Variants in SV2B observed in about 807,000 individuals in gnomAD.
SV2B encodes the protein synaptic vesicle glycoprotein 2B, also known as solute carrier family 22 member B2.
SV2B carries 41 observed loss-of-function variants against 73.9 expected under a neutral mutation model. The observed-to-expected ratio is 0.56, with a 90% CI of 0.43 to 0.72. SV2B has a LOEUF of 0.72. SV2B is among the 30% of genes least tolerant of loss of function. The pLI is 0.00. For synonymous variants in SV2B, 314 were observed against 314.2 expected (o/e 1.00, Z 0.01); for missense variants, 764 against 857.8 (o/e 0.89, Z 1.37).
chr15:91,230,642 C>G (rs2046540695), intron 2 of SV2B, among the ~76,000 whole-genome samples: 1 of 152,180 alleles, frequency 6.6e-6, no homozygotes, highest in African/African-American at 2.4e-5. Context: ...AGGAGTTGGT[C>G]TCCTTCAACT....
rs548615009 is a variant in SV2B, at chr15:91,253,166, G to A, written c.784+646G>A. ...AACATCAACTTTTACTACTGGTTTC[G>A]TCAAGAGCAAAGTAGGGAGAAGGCA... On this transcript the variant is annotated intron_variant, in intron 4 of 12. Transcript: ENST00000394232. The surrounding 1 kb of genome is among the most constrained non-coding windows in gnomAD (Gnocchi z 5.0). Among the ~76,000 whole-genome samples the A allele has an allele frequency of 6.6e-5, 10 of 152,210 alleles. No individual in the cohort carries two copies. The highest frequency in any genetic ancestry group is 1.2e-4 in the Non-Finnish European group (8 of 68,038).
intron 1 of SV2B, among the ~76,000 whole-genome samples, chr15:91,186,637 C>G (rs2044781867): frequency 6.6e-6 from 1 of 152,118 alleles, no homozygotes; most frequent in African/African-American, 2.4e-5. Flanking sequence ...TTAAAAAATA[C>G]ACTTATAAAT....
chr15:91,264,816 A>T (rs182595099), intron 6 of SV2B, among the ~76,000 whole-genome samples: 1 of 152,130 alleles, frequency 6.6e-6, no homozygotes, highest in African/African-American at 2.4e-5. Flanking sequence ...GCAGAAATCA[A>T]TGTGCGGAGA....
At chr15:91,134,011 T>TTTTTTTTTA (rs1256153009) in intron 1 of SV2B, among the ~76,000 whole-genome samples, 2 of 137,266 alleles carry the variant, frequency 1.5e-5, no homozygotes, top group Non-Finnish European at 3.2e-5. Flanking sequence ...TTCCTTTTTT[T>TTTTTTTTTA]TTTTTGAGAT....
At chr15:91,153,518 C>T (rs569474168) in intron 1 of SV2B, among the ~76,000 whole-genome samples, 49 of 152,250 alleles carry the variant, frequency 3.2e-4, no homozygotes, top group East Asian at 1.7e-3. Flanking sequence ...GTTATTACCT[C>T]GTATGATTGC....
At chr15:91,187,637 C>A (rs571977428) in intron 1 of SV2B, among the ~76,000 whole-genome samples, 1 of 149,490 alleles carries the variant, frequency 6.7e-6, no homozygotes, top group South Asian at 2.1e-4. Context: ...TGACAACCTG[C>A]AATTCATTCA....
rs2042380315 is a variant in SV2B at position 91,122,994 on chromosome 15, G to C, written c.-392+22631G>C. ...TTGTATTCTTGAAAATTGCTGGTCAGGTGTGCTGACTCACTCCTGTAATCC... is the reference window on the plus strand; with the variant it reads ...TTGTATTCTTGAAAATTGCTGGTCACGTGTGCTGACTCACTCCTGTAATCC... On this transcript the variant is annotated intron_variant, in intron 1 of 12. Coordinates refer to ENST00000394232, the MANE Select transcript of SV2B (RefSeq NM_001323032.3). This position sits in a 1 kb window ranked among gnomAD's most constrained non-coding sequence, Gnocchi z 4.3. Among the ~76,000 whole-genome samples the C allele has an allele frequency of 1.3e-5, 2 of 152,204 alleles. No individual in the cohort carries two copies. Among genetic ancestry groups the C allele is most frequent in the Admixed American group, 1.3e-4 (2 of 15,284 alleles).
chr15:91,265,071 T>TCTAA lies in SV2B; in HGVS notation c.1009-1511_1009-1510insCTAA, dbSNP rs1197984173. On this transcript the variant is annotated intron_variant, in intron 6 of 12. Coordinates refer to ENST00000394232, the MANE Select transcript of SV2B (RefSeq NM_001323032.3). The surrounding 1 kb of genome is among the most constrained non-coding windows in gnomAD (Gnocchi z 4.2). ...GGTAACTGACCTTAGAGAGCCAGCC[T>TCTAA]GTGGTTGGCGGTCAGGGGCGGGTAC... Among the ~76,000 whole-genome samples the TCTAA allele has an allele frequency of 6.6e-6, 1 of 152,198 alleles. No homozygotes were observed.
In SV2B at chr15:91,301,972, T is replaced by G. The variant is rs145471874; in HGVS notation, c.*9420T>G. Among the ~76,000 whole-genome samples, 109 of 152,286 alleles carry G rather than the reference T, an allele frequency of 7.2e-4. 1 individual carries two copies. The highest frequency in any genetic ancestry group is 2.4e-3 in the African/African-American group (100 of 41,542). ...GCTCATCACCTGGCATATAGTATGG[T>G]ATAATCACCCCACCAAACCTCTTCC... On this transcript the variant is annotated 3_prime_UTR_variant, in exon 13 of 13. Coordinates refer to ENST00000394232, the MANE Select transcript of SV2B (RefSeq NM_001323032.3). This position sits in a 1 kb window ranked among gnomAD's most constrained non-coding sequence, Gnocchi z 4.3.
At chr15:91,108,822 AAC>A (rs1361947700) in intron 1 of SV2B, among the ~76,000 whole-genome samples, 4 of 152,162 alleles carry the variant, frequency 2.6e-5, no homozygotes, top group Non-Finnish European at 5.9e-5. Flanking sequence ...CAGGTAACGC[AAC>A]AGTGTCTCCT....
intron 1 of SV2B, among the ~76,000 whole-genome samples, chr15:91,169,112 G>C (rs904418288): frequency 1.3e-5 from 2 of 152,158 alleles, no homozygotes; most frequent in Admixed American, 1.3e-4. Context: ...TTCTGCATAT[G>C]AAGTAGTAAT....
chr15:91,245,845 T>A lies in SV2B; in HGVS notation c.452-5974T>A, dbSNP rs893969282. 1.3e-5 allele frequency among the ~76,000 whole-genome samples: 2 copies of A among 152,116 alleles called. No individual in the cohort carries two copies. Among genetic ancestry groups the A allele is most frequent in the African/African-American group, 4.8e-5 (2 of 41,418 alleles). On this transcript the variant is annotated intron_variant, in intron 2 of 12. Transcript: ENST00000394232. The surrounding 1 kb of genome is among the most constrained non-coding windows in gnomAD (Gnocchi z 4.2). ...CAACAAACTGTGGTCTACAAACCTA[T>A]GACCAATTTTTTTTTTAACATTTTT...
rs2047545448 is a variant in SV2B, at chr15:91,252,887, G to A, written c.784+367G>A. Among the ~76,000 whole-genome samples the A allele has an allele frequency of 6.6e-6, 1 of 152,102 alleles. No individual in the cohort carries two copies. Among genetic ancestry groups the A allele is most frequent in the African/African-American group, 2.4e-5 (1 of 41,428 alleles). On this transcript the variant is annotated intron_variant, in intron 4 of 12. Transcript: ENST00000394232. This position sits in a 1 kb window ranked among gnomAD's most constrained non-coding sequence, Gnocchi z 4.6. ...TGGTAACCTGATTTAATAGATGACAGGTATGTGACAAAAGCCAAGAGAAGT... is the reference window on the plus strand; with the variant it reads ...TGGTAACCTGATTTAATAGATGACAAGTATGTGACAAAAGCCAAGAGAAGT...
intron 1 of SV2B, among the ~76,000 whole-genome samples, chr15:91,215,999 A>G (rs975030692): frequency 1.3e-5 from 2 of 152,174 alleles, no homozygotes; most frequent in Non-Finnish European, 2.9e-5. Context: ...TTCATAACCA[A>G]TTGTTTCTCC....
intron 1 of SV2B, among the ~76,000 whole-genome samples, chr15:91,170,225 A>T (rs974445931): frequency 6.6e-6 from 1 of 152,178 alleles, no homozygotes; most frequent in African/African-American, 2.4e-5. Flanking sequence ...CAAAAGACAG[A>T]CACCCGAATT....
intron 1 of SV2B, among the ~76,000 whole-genome samples, chr15:91,196,191 T>C (rs890116924): frequency 6.6e-6 from 1 of 152,206 alleles, no homozygotes; most frequent in African/African-American, 2.4e-5. Context: ...ATTTGATGTG[T>C]TTGCGGAACA....
At position 91,187,654 on chromosome 15, in the gene SV2B, T is replaced by G. The variant is rs114793076; in HGVS notation, c.-391-38219T>G. 7.0e-3 allele frequency among the ~76,000 whole-genome samples: 944 copies of G among 135,246 alleles called. 11 individuals carry two copies. The highest frequency in any genetic ancestry group is 0.025 in the African/African-American group (889 of 35,862). The allele number at this position is 135,246 out of a possible 152,430, so 88.7% of individuals were successfully genotyped here. A position where few individuals can be genotyped will look rare whatever the true frequency, so the allele number is the denominator to read the frequency against. On this transcript the variant is annotated intron_variant, in intron 1 of 12. Coordinates refer to ENST00000394232, the MANE Select transcript of SV2B (RefSeq NM_001323032.3). ...ACAACCTGCAATTCATTCAATTTTA[T>G]GTTTTGTTTTTTTTTTTTAAATTGT...
chr15:91,116,336 G>T (rs1189311123), intron 1 of SV2B, among the ~76,000 whole-genome samples: 3 of 152,150 alleles, frequency 2.0e-5, no homozygotes, highest in African/African-American at 7.2e-5. Context: ...CTTTGCTGTT[G>T]TGTGTTGGTG....
At chr15:91,163,888 T>C (rs930210619) in intron 1 of SV2B, among the ~76,000 whole-genome samples, 4 of 152,252 alleles carry the variant, frequency 2.6e-5, no homozygotes, top group Non-Finnish European at 5.9e-5. Flanking sequence ...AGGGTTTTTA[T>C]GGTTTTAGGT....
Sources: allele counts gnomAD v4.1 joint callset (sites outside exome capture counted in the v4.1 genomes callset), GRCh38; gene constraint gnomAD v4.1.1; non-coding constraint Gnocchi (gnomAD v3.1); transcripts MANE v1.5; gene names NCBI Gene and HGNC (gene_info 2026-07-23, HGNC 2026-07-21).